The following IL1RL1 variants were observed in gnomAD, a reference collection of about 807,000 sequenced individuals.
The protein encoded by IL1RL1 is interleukin 1 receptor like 1.
A neutral mutation model predicts 50.9 loss-of-function variants in IL1RL1; 32 were observed. The observed-to-expected ratio is 0.63, with a 90% CI of 0.47 to 0.84. The LOEUF is 0.84. IL1RL1 is among the 40% of genes least tolerant of loss of function. The pLI, the probability that IL1RL1 is intolerant of heterozygous loss-of-function variation, is 0.00. For missense variants in IL1RL1, 773 were observed against 662.9 expected, an observed-to-expected ratio of 1.17 and a Z score of -1.82; for synonymous variants, 275 against 236.0, an observed-to-expected ratio of 1.17 and a Z score of -1.51.
chr2:102,342,046 CGTGT>C (rs67962088), intron 5 of IL1RL1, among the ~76,000 whole-genome samples, 173 bp from the exon 6 acceptor site: 6,705 of 144,096 alleles, frequency 0.047, 180 homozygotes, highest in Middle Eastern at 0.059. Context: ...CTTTCTGTTT[CGTGT>C]GTGTGTGTGT....
chr2:102,327,532 C>A (rs1048704221), intron 1 of IL1RL1, among the ~76,000 whole-genome samples: 1 of 151,940 alleles, frequency 6.6e-6, no homozygotes, highest in Non-Finnish European at 1.5e-5. Context: ...AATAGAGACA[C>A]AAAAAACCCT....
At chr2:102,344,366 C>T (rs997878806) in intron 8 of IL1RL1, 12 of 961,678 alleles carry the variant, frequency 1.2e-5, no homozygotes, top group Non-Finnish European at 1.5e-5. Context: ...CATTGTTAAA[C>T]TTTGTAAAGT....
chr2:102,319,176 CTT>C (rs145359805), intron 1 of IL1RL1, among the ~76,000 whole-genome samples: 11 of 148,732 alleles, frequency 7.4e-5, no homozygotes, highest in African/African-American at 2.7e-4. Context: ...ATTTCTTACA[CTT>C]TTTTTTTTAA....
At chr2:102,349,282 A>G (rs1186835825) in intron 10 of IL1RL1, 36 bp downstream of exon 10, 2 of 1,581,860 alleles carry the variant, frequency 1.3e-6, no homozygotes, top group African/African-American at 2.7e-5. Context: ...ACAGAAATTC[A>G]TGCTTATTAA....
chr2:102,331,352 C>A (rs1223726844), intron 1 of IL1RL1, among the ~76,000 whole-genome samples: 1 of 152,230 alleles, frequency 6.6e-6, no homozygotes, highest in Non-Finnish European at 1.5e-5. Flanking sequence ...ACGACAAATG[C>A]AGACCACAGC....
intron 1 of IL1RL1, 108 bp from the exon 2 acceptor site, chr2:102,338,008 A>G (rs972237376): frequency 3.5e-6 from 1 of 281,844 alleles, no homozygotes; most frequent in Non-Finnish European, 6.6e-6. Context: ...ATCTCTTTGC[A>G]CTTAATAAAT....
At chr2:102,322,808 A>T (rs1050861819) in intron 1 of IL1RL1, among the ~76,000 whole-genome samples, 1 of 152,204 alleles carries the variant, frequency 6.6e-6, no homozygotes, top group Non-Finnish European at 1.5e-5. Context: ...ACACCTTTCC[A>T]ATCAAATTTC....
At chr2:102,311,866 A>ATATATAT (rs1676488084) in intron 1 of IL1RL1, among the ~76,000 whole-genome samples, 1 of 62,888 alleles carries the variant, frequency 1.6e-5, no homozygotes, top group Non-Finnish European at 2.8e-5. Flanking sequence ...TAATTATATA[A>ATATATAT]TATATATTAT....
chr2:102,319,837 T>C lies in IL1RL1; in HGVS notation c.-150+8214T>C, dbSNP rs918247851. On this transcript the variant is annotated intron_variant, in intron 1 of 10. Transcript: ENST00000233954. ...CCAAGAAGCTGGGACCATGGGCATG[T>C]GCCATCATGGCAGACTAATTTTTAA... Among the ~76,000 whole-genome samples the C allele has an allele frequency of 3.6e-4, 55 of 152,122 alleles. 1 individual carries two copies. The highest frequency in any genetic ancestry group is 7.3e-5 in the Non-Finnish European group (5 of 68,032).
chr2:102,344,660 AC>A lies in IL1RL1; in HGVS notation c.970+1247del, dbSNP rs1300034485. 5.0e-6 allele frequency: 3 copies of A among 605,510 alleles called. No individual in the cohort carries two copies. The African/African-American group carries it at 6.0e-5, about 12-fold the overall frequency. The allele number at this position is 605,510 out of a possible 1,614,324, so 37.5% of individuals were successfully genotyped here. A position where few individuals can be genotyped will look rare whatever the true frequency, so the allele number is the denominator to read the frequency against. On this transcript the variant is annotated intron_variant, in intron 8 of 10. Coordinates refer to ENST00000233954, the MANE Select transcript of IL1RL1 (RefSeq NM_016232.5). ...TCCATCTTTGGGTCCTTAGTGCAAT[AC>A]CTGGCAGCTAGCCAGTGCTCAGCTA... is the stretch of plus-strand genomic sequence containing the variant.
At chr2:102,345,470 T>G in intron 8 of IL1RL1, 4 of 985,450 alleles carry the variant, frequency 4.1e-6, no homozygotes, top group Non-Finnish European at 4.8e-6. Context: ...TTAATGTGCC[T>G]GTCAAATAGC....
chr2:102,341,489 T>C (rs1677562613), intron 5 of IL1RL1: 1 of 292,042 alleles, frequency 3.4e-6, no homozygotes, highest in Non-Finnish European at 5.4e-6. Flanking sequence ...CACAAGTCGA[T>C]CTACAGACGT....
chr2:102,313,980 CA>C (rs1448702899), intron 1 of IL1RL1, among the ~76,000 whole-genome samples: 1 of 152,214 alleles, frequency 6.6e-6, no homozygotes, highest in Non-Finnish European at 1.5e-5. Flanking sequence ...GCTAGTTAGG[CA>C]GGGCGTCTGG....
downstream of IL1RL1, chr2:102,352,092 T>C (rs1282001337): frequency 1.1e-5 from 7 of 638,680 alleles, no homozygotes; most frequent in Admixed American, 6.8e-5. Context: ...GGATGCAAAA[T>C]GGCCAGAAAT....
chr2:102,320,300 G>T (rs1676800311), intron 1 of IL1RL1, among the ~76,000 whole-genome samples: 2 of 152,154 alleles, frequency 1.3e-5, no homozygotes, highest in African/African-American at 4.8e-5. Flanking sequence ...CTGCAGTGTT[G>T]TATGCAGAGA....
Position 102,343,282 on chromosome 2 carries a change from G to C in IL1RL1, c.837G>C (p.Gly279=). 6.2e-7 allele frequency: 1 copy of C among 1,614,216 alleles called. No individual in the cohort carries two copies. The highest frequency in any genetic ancestry group is 8.5e-7 in the Non-Finnish European group (1 of 1,180,044). Residue 279 remains glycine (G), a synonymous_variant, in exon 8 of 11, where the codon GGG becomes GGC. Coordinates refer to ENST00000233954, the MANE Select transcript of IL1RL1 (RefSeq NM_016232.5). ...EEGQNQSFSN[G]LACLDMVLRI... is the part of the protein sequence containing the mutation. The stretch of plus-strand genomic sequence containing the variant: ...GTTGCTTTCTTAGTTTCAGCAATGG[G>C]CTGGCTTGTCTAGACATGGTTTTAA...
In IL1RL1 at chr2:102,347,147, G is replaced by A. The variant is rs191959996; in HGVS notation, c.971-798G>A. ...CCTCCCACACTGCTAAGCCCTTAGAGGCAACAAGTGTCTCAGACCCGTTGA... is the reference window on the plus strand; with the variant it reads ...CCTCCCACACTGCTAAGCCCTTAGAAGCAACAAGTGTCTCAGACCCGTTGA... On this transcript the variant is annotated intron_variant, in intron 8 of 10. Transcript: ENST00000233954. Among the ~76,000 whole-genome samples the A allele has an allele frequency of 2.0e-4, 31 of 152,292 alleles. No individual in the cohort carries two copies. The East Asian group carries it at 6.0e-3, about 29-fold the overall frequency.
chr2:102,344,451 T>A (rs1677707378), intron 8 of IL1RL1: 9 of 666,010 alleles, frequency 1.4e-5, no homozygotes, highest in Non-Finnish European at 1.7e-5. Context: ...ATTCACCATG[T>A]AATTCAGGTA....
chr2:102,327,117 C>T (rs1445767917), intron 1 of IL1RL1, among the ~76,000 whole-genome samples: 6 of 152,174 alleles, frequency 3.9e-5, no homozygotes, highest in Non-Finnish European at 5.9e-5. Flanking sequence ...AAGCACTCCT[C>T]AGCAAATGTA....
Sources: allele counts gnomAD v4.1 joint callset (sites outside exome capture counted in the v4.1 genomes callset), GRCh38; gene constraint gnomAD v4.1.1; transcripts MANE v1.5; gene names NCBI Gene and HGNC (gene_info 2026-07-23, HGNC 2026-07-21).